PCBP3: variants seen among roughly 807,000 people sequenced by gnomAD.
PCBP3 encodes poly(rC) binding protein 3, also known as poly(rC)-binding protein 3.
A neutral mutation model predicts 52.7 loss-of-function variants in PCBP3; 25 were observed. The ratio of observed to expected loss-of-function variants is 0.47; its 90% CI spans 0.35 to 0.66. The LOEUF (loss-of-function observed/expected upper bound fraction) is 0.66, where lower values mean the gene tolerates loss of function less well. Among genes scored for constraint, PCBP3 ranks in the 30% least tolerant of loss-of-function variants. The pLI, the probability that PCBP3 is intolerant of heterozygous loss-of-function variation, is 0.01. For missense variants in PCBP3, 391 were observed against 490.3 expected (o/e 0.80, Z 1.91); for synonymous variants, 162 against 183.0 (o/e 0.89, Z 0.93).
chr21:45,826,519 G>A (rs778776033), intron 4 of PCBP3, among the ~76,000 whole-genome samples: 1 of 152,188 alleles, frequency 6.6e-6, no homozygotes, highest in Non-Finnish European at 1.5e-5. Flanking sequence ...AAGCAGATGC[G>A]TGGCCTTCAG....
intron 4 of PCBP3, among the ~76,000 whole-genome samples, chr21:45,758,115 G>T (rs1170776841): frequency 6.6e-6 from 1 of 152,108 alleles, no homozygotes; most frequent in South Asian, 2.1e-4. Flanking sequence ...TCTCGAACTC[G>T]TGAGCTCAGG....
chr21:45,768,959 A>G (rs2089618470), intron 4 of PCBP3, among the ~76,000 whole-genome samples: 1 of 152,224 alleles, frequency 6.6e-6, no homozygotes, highest in Non-Finnish European at 1.5e-5. Flanking sequence ...CGATGGCAGG[A>G]GGTGAGCACG....
At chr21:45,726,653 C>T (rs1469113027) in intron 2 of PCBP3, among the ~76,000 whole-genome samples, 1 of 152,220 alleles carries the variant, frequency 6.6e-6, no homozygotes, top group East Asian at 1.9e-4. Flanking sequence ...GTTTGTGTCT[C>T]CCGCCTGAGG....
chr21:45,818,014 A>C (rs979237970), intron 4 of PCBP3, among the ~76,000 whole-genome samples: 1 of 152,014 alleles, frequency 6.6e-6, no homozygotes, highest in African/African-American at 2.4e-5. Flanking sequence ...ATGAACCAAT[A>C]TTGGTACATT....
intron 4 of PCBP3, among the ~76,000 whole-genome samples, chr21:45,783,831 G>A (rs1569216990): frequency 6.6e-6 from 1 of 152,166 alleles, no homozygotes; most frequent in Non-Finnish European, 1.5e-5. Flanking sequence ...GTGTGAAGAT[G>A]GCAGTTTCCT....
chr21:45,790,228 T>A (rs549945224), intron 4 of PCBP3, among the ~76,000 whole-genome samples: 1 of 151,792 alleles, frequency 6.6e-6, no homozygotes, highest in African/African-American at 2.4e-5. Context: ...AGGTGAGAGG[T>A]GGTCCCGAGG....
chr21:45,803,652 G>A (rs535882527), intron 4 of PCBP3, among the ~76,000 whole-genome samples: 6 of 152,334 alleles, frequency 3.9e-5, no homozygotes, highest in Admixed American at 3.9e-4. Flanking sequence ...CACAGTGCTT[G>A]GCTCTGATGC....
chr21:45,791,600 G>A lies in PCBP3; in HGVS notation c.-126+36148G>A, dbSNP rs576686244. ...GAGGTGTGCAACAGCCGGAAGGCAGGTGGCCGCCAACAACTTTCTTTTTCC... is the reference window on the plus strand; with the variant it reads ...GAGGTGTGCAACAGCCGGAAGGCAGATGGCCGCCAACAACTTTCTTTTTCC... On this transcript the variant is annotated intron_variant, in intron 4 of 17. Transcript: ENST00000681687. This position sits in a 1 kb window ranked among gnomAD's most constrained non-coding sequence, Gnocchi z 4.2. Among the ~76,000 whole-genome samples, 218 of 152,348 alleles carry A rather than the reference G, an allele frequency of 1.4e-3. 2 individuals carry two copies. Among genetic ancestry groups the A allele is most frequent in the Middle Eastern group, 6.8e-3 (2 of 294 alleles).
At chr21:45,938,385 T>G (rs889068526) in intron 16 of PCBP3, among the ~76,000 whole-genome samples, 2 of 152,188 alleles carry the variant, frequency 1.3e-5, no homozygotes, top group African/African-American at 4.8e-5. Context: ...CAGGGACCTG[T>G]GGTCATGCTG....
intron 5 of PCBP3, among the ~76,000 whole-genome samples, chr21:45,860,408 C>G (rs965820646): frequency 6.6e-6 from 1 of 152,224 alleles, no homozygotes; most frequent in African/African-American, 2.4e-5. Context: ...TAGGACTGTG[C>G]AGCTGACTTG....
chr21:45,863,763 A>G (rs1464157407), intron 5 of PCBP3, among the ~76,000 whole-genome samples: 3 of 152,048 alleles, frequency 2.0e-5, no homozygotes, highest in Non-Finnish European at 2.9e-5. Context: ...TTCCAAGGTA[A>G]GGGATTGAGG....
rs367564642 is a variant in PCBP3, at chr21:45,924,976, G to A, written c.718-4941G>A. On this transcript the variant is annotated intron_variant, in intron 13 of 17. Transcript: ENST00000681687. Reference sequence around the variant, plus strand: ...GCGAACACCGGGAACAGTCGTGTGGGTAGAAACAGCACACGTAAGATCGGG... The same window carrying A: ...GCGAACACCGGGAACAGTCGTGTGGATAGAAACAGCACACGTAAGATCGGG... Among the ~76,000 whole-genome samples, 67 of 37,994 alleles carry A rather than the reference G, an allele frequency of 1.8e-3. 2 individuals carry two copies. Among genetic ancestry groups the A allele is most frequent in the African/African-American group, 4.6e-3 (23 of 5,002 alleles). 24.9% of individuals were successfully genotyped at this position (37,994 alleles called of 152,430 possible). A position where few individuals can be genotyped will look rare whatever the true frequency, so the allele number is the denominator to read the frequency against.
At chr21:45,900,185 TC>T (rs984765249) in intron 7 of PCBP3, among the ~76,000 whole-genome samples, 5 of 152,130 alleles carry the variant, frequency 3.3e-5, no homozygotes, top group Admixed American at 3.3e-4. Context: ...CCCGGCTTCC[TC>T]CCAAACGCTT....
At chr21:45,913,809 C>A in intron 11 of PCBP3, 142 bp from the exon 12 acceptor site, 2 of 727,248 alleles carry the variant, frequency 2.8e-6, no homozygotes, top group Non-Finnish European at 4.5e-6. Flanking sequence ...CCTCCCCCAG[C>A]ACTGCTGCGA....
chr21:45,744,861 G>A (rs899010123), intron 3 of PCBP3, among the ~76,000 whole-genome samples: 5 of 152,092 alleles, frequency 3.3e-5, no homozygotes, highest in Admixed American at 2.6e-4. Context: ...TAATTTCTTG[G>A]TAGTCCTGTC....
At chr21:45,923,438 C>T (rs924035393) in intron 13 of PCBP3, among the ~76,000 whole-genome samples, 1 of 152,234 alleles carries the variant, frequency 6.6e-6, no homozygotes, top group Non-Finnish European at 1.5e-5. Flanking sequence ...ACCCTCACTG[C>T]TGGCTGGAGT....
chr21:45,766,068 T>C (rs578044246), intron 4 of PCBP3, among the ~76,000 whole-genome samples: 1 of 152,362 alleles, frequency 6.6e-6, no homozygotes, highest in South Asian at 2.1e-4. Flanking sequence ...TCTTGTCTCC[T>C]GTGGGACTGA....
At chr21:45,682,533 TG>T (rs2081914662) in intron 2 of PCBP3, among the ~76,000 whole-genome samples, 1 of 152,058 alleles carries the variant, frequency 6.6e-6, no homozygotes, top group South Asian at 2.1e-4. Flanking sequence ...TGAAGAATAA[TG>T]GTGGCATATG....
intron 2 of PCBP3, among the ~76,000 whole-genome samples, chr21:45,726,059 A>T (rs1363581928): frequency 6.6e-6 from 1 of 152,092 alleles, no homozygotes; most frequent in African/African-American, 2.4e-5. Context: ...GCAGGTGCCC[A>T]GGCAGTGTGG....
Sources: gnomAD v4.1 joint callset for allele counts (sites outside exome capture counted in the v4.1 genomes callset) on GRCh38, gnomAD v4.1.1 for gene constraint, Gnocchi (gnomAD v3.1) non-coding constraint, MANE v1.5 for transcripts, NCBI Gene and HGNC (gene_info 2026-07-23, HGNC 2026-07-21) for gene names.